The following LOC128092252 variants were observed in gnomAD, a reference collection of about 807,000 sequenced individuals.
the LOC128092252 span, among the ~76,000 whole-genome samples, chr15:50,654,320 G>A: frequency 2.6e-4 from 40 of 151,130 alleles, 3 homozygotes; most frequent in Non-Finnish European, 4.7e-4. Context: ...GGTGGTGTGC[G>A]CCTGTAATCC....
At chr15:50,661,335 G>T in the LOC128092252 span, among the ~76,000 whole-genome samples, 1 of 152,076 alleles carries the variant, frequency 6.6e-6, no homozygotes, top group Non-Finnish European at 1.5e-5. Context: ...TTTGCATATA[G>T]ACTGAATGTA....
At chr15:50,671,680 C>T in the LOC128092252 span, among the ~76,000 whole-genome samples, 12 of 152,050 alleles carry the variant, frequency 7.9e-5, no homozygotes, top group African/African-American at 2.7e-4. Flanking sequence ...CATGTTGGTG[C>T]CTGCCTATAG....
chr15:50,668,014 G>C, the LOC128092252 span, among the ~76,000 whole-genome samples: 1 of 152,114 alleles, frequency 6.6e-6, no homozygotes. Flanking sequence ...TTAAATTATT[G>C]TGTGCCACAA....
the LOC128092252 span, among the ~76,000 whole-genome samples, chr15:50,676,987 G>C: frequency 6.6e-6 from 1 of 152,314 alleles, no homozygotes; most frequent in East Asian, 1.9e-4. Flanking sequence ...TTGTAGGAGA[G>C]ACAGTTTGGA....
the LOC128092252 span, among the ~76,000 whole-genome samples, chr15:50,678,075 T>TAA: frequency 2.0e-5 from 3 of 150,568 alleles, no homozygotes; most frequent in South Asian, 4.2e-4. Context: ...ACGTCTCTAC[T>TAA]AAAAAAATAC....
the LOC128092252 span, among the ~76,000 whole-genome samples, chr15:50,677,610 G>T: frequency 1.3e-5 from 2 of 151,508 alleles, no homozygotes; most frequent in Non-Finnish European, 2.9e-5. Flanking sequence ...GTGGTGTCAC[G>T]CGCCTGTAAT....
chr15:50,653,240 G>A, the LOC128092252 span, among the ~76,000 whole-genome samples: 7 of 152,146 alleles, frequency 4.6e-5, no homozygotes, highest in South Asian at 2.1e-4. Flanking sequence ...AGCTTGAGCC[G>A]AGGACTTCAA....
the LOC128092252 span, among the ~76,000 whole-genome samples, chr15:50,655,211 G>A: frequency 2.7e-5 from 4 of 150,416 alleles, no homozygotes; most frequent in Admixed American, 6.6e-5. Flanking sequence ...CAAGGCGGGC[G>A]AATCACGAGG....
At chr15:50,661,093 T>C in the LOC128092252 span, among the ~76,000 whole-genome samples, 60 of 152,036 alleles carry the variant, frequency 3.9e-4, no homozygotes, top group Non-Finnish European at 6.8e-4. Context: ...TCTCCTGCCT[T>C]AGCCTCCCAA....
chr15:50,679,736 C>A, the LOC128092252 span, among the ~76,000 whole-genome samples: 1 of 150,842 alleles, frequency 6.6e-6, no homozygotes. Context: ...GGGTTATCTA[C>A]GTTGGCCAGG....
the LOC128092252 span, among the ~76,000 whole-genome samples, chr15:50,680,979 G>A: frequency 7.2e-5 from 11 of 152,022 alleles, no homozygotes; most frequent in East Asian, 3.9e-4. Flanking sequence ...AGTGTCGGGC[G>A]AGGTGGCTCA....
At chr15:50,680,005 G>GT in the LOC128092252 span, among the ~76,000 whole-genome samples, 11,807 of 152,078 alleles carry the variant, frequency 0.078, 567 homozygotes, top group South Asian at 0.12. Flanking sequence ...GGGCCAAGGT[G>GT]GGTGGATCAC....
chr15:50,682,383 G>C, the LOC128092252 span, among the ~76,000 whole-genome samples: 6 of 151,734 alleles, frequency 4.0e-5, no homozygotes, highest in Non-Finnish European at 5.9e-5. Context: ...ATCGAGACCA[G>C]CCTGGCCAAC....
At chr15:50,666,324 C>T in the LOC128092252 span, among the ~76,000 whole-genome samples, 4 of 151,702 alleles carry the variant, frequency 2.6e-5, no homozygotes, top group Non-Finnish European at 5.9e-5. Context: ...CCTGTAGACC[C>T]AGCTACTTAG....
At chr15:50,678,196 C>T in the LOC128092252 span, among the ~76,000 whole-genome samples, 1 of 143,062 alleles carries the variant, frequency 7.0e-6, no homozygotes, top group Non-Finnish European at 1.5e-5. Flanking sequence ...AGCCAAGATG[C>T]ACCATTGCAC....
chr15:50,664,658 G>A, the LOC128092252 span, among the ~76,000 whole-genome samples: 1 of 152,102 alleles, frequency 6.6e-6, no homozygotes, highest in Admixed American at 6.6e-5. Flanking sequence ...ATACTGAAAA[G>A]TCAATCAAAC....
the LOC128092252 span, among the ~76,000 whole-genome samples, chr15:50,675,641 G>C: frequency 6.6e-6 from 1 of 152,130 alleles, no homozygotes; most frequent in Non-Finnish European, 1.5e-5. Context: ...CCAATCAAAT[G>C]TGCCCTGGTT....
chr15:50,686,525 C>T, the LOC128092252 span: 1 of 1,612,498 alleles, frequency 6.2e-7, no homozygotes, highest in South Asian at 1.1e-5. Context: ...TGCGTGGGTC[C>T]AGTACCATTC....
At chr15:50,650,799 T>C in the LOC128092252 span, among the ~76,000 whole-genome samples, 2 of 152,158 alleles carry the variant, frequency 1.3e-5, no homozygotes, top group African/African-American at 4.8e-5. Flanking sequence ...AGTAATCTAA[T>C]TGCATGCTAT....
Sources: gnomAD v4.1 joint callset for allele counts (sites outside exome capture counted in the v4.1 genomes callset) on GRCh38, gnomAD v4.1.1 for gene constraint, MANE v1.5 for transcripts.